GDAP2: variants seen among roughly 807,000 people sequenced by gnomAD.
GDAP2 encodes ganglioside-induced differentiation-associated protein 2.
Under a neutral mutation model 67.0 loss-of-function variants are expected in GDAP2, and 51 were observed. That is an observed-to-expected ratio of 0.76 (90% CI 0.61 to 0.96). GDAP2 has a LOEUF of 0.96. Ranked by LOEUF, GDAP2 falls within the 40% of genes least tolerant of loss-of-function variation. The pLI is 0.00. For missense variants in GDAP2, 547 were observed against 588.3 expected (o/e 0.93, Z 0.73); for synonymous variants, 203 against 207.3 (o/e 0.98, Z 0.18).
intron 8 of GDAP2, among the ~76,000 whole-genome samples, chr1:117,893,543 C>G (rs1649160683): frequency 6.6e-6 from 1 of 152,112 alleles, no homozygotes; most frequent in African/African-American, 2.4e-5. Flanking sequence ...AACTAAAAAC[C>G]TACTTACTTT....
chr1:117,920,202 G>C lies in GDAP2; in HGVS notation c.156C>G (p.Val52=), dbSNP rs1650196139. ...VRSPFLYNKD[V]NGKVVLWKGD... ...ATTACCAAAGAACCACTTTTCCATT[G>C]ACGTCCTTATTATAAAGAAAAGGTG... Residue 52 remains valine (V), a synonymous_variant, in exon 2 of 14, where the codon GTC becomes GTG. Coordinates refer to ENST00000369443, the MANE Select transcript of GDAP2 (RefSeq NM_017686.4). 6.2e-7 allele frequency: 1 copy of C among 1,600,416 alleles called. No homozygotes were observed. The highest frequency in any genetic ancestry group is 1.7e-5 in the Admixed American group (1 of 58,812).
At position 117,866,305 on chromosome 1, in the gene GDAP2, A is replaced by G. The variant is rs558444372; in HGVS notation, c.*4264T>C. 6.6e-6 allele frequency: 1 copy of G among 152,284 alleles called. No individual in the cohort carries two copies. The highest frequency in any genetic ancestry group is 2.4e-5 in the African/African-American group (1 of 41,564). The allele number at this position is 152,284 out of a possible 1,614,324, so 9.4% of individuals were successfully genotyped here. On this transcript the variant is annotated 3_prime_UTR_variant, in exon 14 of 14. Transcript: ENST00000369443. ...AGCAAGAAGCCAGAAGAGGGCCCTCATCAGGAATTGCGCTGGATGGCACTT... is the reference window on the plus strand; with the variant it reads ...AGCAAGAAGCCAGAAGAGGGCCCTCGTCAGGAATTGCGCTGGATGGCACTT...
intron 4 of GDAP2, 34 bp from the exon 5 acceptor site, chr1:117,912,116 G>C: frequency 8.3e-7 from 1 of 1,205,468 alleles, no homozygotes; most frequent in Middle Eastern, 1.9e-4. Flanking sequence ...AATTGCACTA[G>C]AAATATCAGT....
At chr1:117,877,958 G>T in intron 13 of GDAP2, 51 bp downstream of exon 13, 2 of 1,604,268 alleles carry the variant, frequency 1.2e-6, no homozygotes, top group Non-Finnish European at 1.7e-6. Context: ...CTGCTCTATA[G>T]AACAGTTAAT....
chr1:117,910,255 C>G (rs1649806553), intron 5 of GDAP2, among the ~76,000 whole-genome samples: 1 of 150,752 alleles, frequency 6.6e-6, no homozygotes, highest in African/African-American at 2.5e-5. Context: ...TTTCTGAGAC[C>G]TTTTATTTGT....
intron 3 of GDAP2, among the ~76,000 whole-genome samples, chr1:117,912,994 C>T (rs1304416877): frequency 6.6e-6 from 1 of 152,128 alleles, no homozygotes; most frequent in Non-Finnish European, 1.5e-5. Flanking sequence ...AACCTAATTG[C>T]TTGCAGAAAT....
At chr1:117,928,046 T>C (rs1162970427) in intron 1 of GDAP2, among the ~76,000 whole-genome samples, 1 of 152,170 alleles carries the variant, frequency 6.6e-6, no homozygotes, top group African/African-American at 2.4e-5. Flanking sequence ...TCTGTGGTTG[T>C]CCCATCCCAT....
chr1:117,920,413 T>C lies in GDAP2; in HGVS notation c.-56A>G, dbSNP rs1650208265. ...AAATCCTCAGCAATTCAATATTCACTGGAGACTTTAGCTTTAAGAGAAAAG... is the reference window on the plus strand; with the variant it reads ...AAATCCTCAGCAATTCAATATTCACCGGAGACTTTAGCTTTAAGAGAAAAG... On this transcript the variant is annotated 5_prime_UTR_variant, in exon 2 of 14. Coordinates refer to ENST00000369443, the MANE Select transcript of GDAP2 (RefSeq NM_017686.4). 9.3e-7 allele frequency: 1 copy of C among 1,074,398 alleles called. No individual in the cohort carries two copies. The highest frequency in any genetic ancestry group is 1.4e-6 in the Non-Finnish European group (1 of 722,858). 66.6% of individuals were successfully genotyped at this position (1,074,398 alleles called of 1,614,324 possible). A position where few individuals can be genotyped will look rare whatever the true frequency, so the allele number is the denominator to read the frequency against.
At chr1:117,921,967 C>A (rs1650267618) in intron 1 of GDAP2, among the ~76,000 whole-genome samples, 1 of 151,968 alleles carries the variant, frequency 6.6e-6, no homozygotes, top group African/African-American at 2.4e-5. Flanking sequence ...CTTGCTTACA[C>A]AATTGAGTAA....
intron 1 of GDAP2, among the ~76,000 whole-genome samples, chr1:117,928,322 G>A (rs545353532): frequency 5.3e-5 from 8 of 152,254 alleles, no homozygotes; most frequent in South Asian, 2.1e-4. Flanking sequence ...CCTAGTTTAC[G>A]TAACTGAAAA....
In GDAP2 at chr1:117,921,003, T is replaced by C. The variant is rs557081029; in HGVS notation, c.-67-579A>G. The stretch of plus-strand genomic sequence containing the variant: ...GGATATGGTGTGTGAGACAGTGATA[T>C]GGTAGGTGGCTGGTGGTACTGAAAT... On this transcript the variant is annotated intron_variant, in intron 1 of 13. Transcript: ENST00000369443. Among the ~76,000 whole-genome samples the C allele has an allele frequency of 4.6e-5, 7 of 152,272 alleles. No homozygotes were observed. The South Asian group carries it at 1.4e-3, about 32-fold the overall frequency.
chr1:117,881,890 T>C lies in GDAP2; in HGVS notation c.1248-13A>G. 2 of 1,489,324 alleles carry C rather than the reference T, an allele frequency of 1.3e-6. No individual in the cohort carries two copies. Among genetic ancestry groups the C allele is most frequent in the Non-Finnish European group, 9.4e-7 (1 of 1,066,728 alleles). The allele number at this position is 1,489,324 out of a possible 1,614,324, so 92.3% of individuals were successfully genotyped here. A position where few individuals can be genotyped will look rare whatever the true frequency, so the allele number is the denominator to read the frequency against. On this transcript the variant is annotated splice_polypyrimidine_tract_variant and intron_variant, in intron 11 of 13. Transcript: ENST00000369443. The stretch of plus-strand genomic sequence containing the variant: ...ATTCCTCTTGTACCTGATCCAAAAA[T>C]AAAATGACAAAAAAAATCAGTATAA...
chr1:117,883,665 T>C (rs748722344), intron 10 of GDAP2, 38 bp from the exon 11 acceptor site: 12 of 1,488,366 alleles, frequency 8.1e-6, no homozygotes, highest in African/African-American at 1.4e-5. Context: ...AAGATCATTT[T>C]GAACAGTAGT....
chr1:117,923,447 A>T (rs1650330064), intron 1 of GDAP2, among the ~76,000 whole-genome samples: 1 of 152,212 alleles, frequency 6.6e-6, no homozygotes, highest in Non-Finnish European at 1.5e-5. Flanking sequence ...AAATCCTCAC[A>T]ATTTATGTTC....
chr1:117,873,580 T>TA (rs1648360417), intron 13 of GDAP2, among the ~76,000 whole-genome samples: 1 of 152,164 alleles, frequency 6.6e-6, no homozygotes, highest in African/African-American at 2.4e-5. Context: ...AATGTTTCCT[T>TA]ACAAGGTAAC....
Position 117,912,546 on chromosome 1 carries a change from C to T in GDAP2, c.454G>A (p.Val152Ile), listed in dbSNP as rs1246275688. Residue 152 changes from valine to isoleucine, a missense_variant, in exon 4 of 14, where the codon GTA (valine) becomes ATA (isoleucine). Physicochemically the swap from Val to Ile is conservative, Grantham distance 29. Transcript: ENST00000369443. ...ESSLYSCYRN[V>I]LQLAKEQSMS... ...AGACCATACTTTGCTAGTTGAAGTA[C>T]GTTTCTGTAGCAGCTATAAAGGGAA... is the stretch of plus-strand genomic sequence containing the variant. 8 of 1,613,124 alleles carry T rather than the reference C, an allele frequency of 5.0e-6. No individual in the cohort carries two copies. The highest frequency in any genetic ancestry group is 3.3e-5 in the Admixed American group (2 of 59,942).
chr1:117,883,694 G>T, intron 10 of GDAP2, 67 bp from the exon 11 acceptor site: 1 of 1,185,212 alleles, frequency 8.4e-7, no homozygotes, highest in Non-Finnish European at 1.2e-6. Flanking sequence ...CAGAGACCAA[G>T]AAAAAACAAA....
At chr1:117,925,411 C>T (rs1334236428) in intron 1 of GDAP2, among the ~76,000 whole-genome samples, 1 of 152,054 alleles carries the variant, frequency 6.6e-6, no homozygotes, top group Non-Finnish European at 1.5e-5. Flanking sequence ...TGAGATCACA[C>T]CACTGCACTC....
rs988031499 is a variant in GDAP2 at position 117,863,506 on chromosome 1, G to A, written c.*7063C>T. 7.2e-5 allele frequency: 11 copies of A among 152,150 alleles called. No individual in the cohort carries two copies. Among genetic ancestry groups the A allele is most frequent in the Non-Finnish European group, 1.2e-4 (8 of 68,026 alleles). The allele number at this position is 152,150 out of a possible 1,614,324, so 9.4% of individuals were successfully genotyped here. A position where few individuals can be genotyped will look rare whatever the true frequency, so the allele number is the denominator to read the frequency against. On this transcript the variant is annotated 3_prime_UTR_variant, in exon 14 of 14. Transcript: ENST00000369443. ...CCAATGGTCTGAATATTCCTTTACT[G>A]TAGCACAATCTGGCATGACTGCCTT...
Sources: allele counts gnomAD v4.1 joint callset (sites outside exome capture counted in the v4.1 genomes callset), GRCh38; gene constraint gnomAD v4.1.1; transcripts MANE v1.5; gene names NCBI Gene and HGNC (gene_info 2026-07-23, HGNC 2026-07-21).